Variants in SCN8A observed in about 807,000 individuals in gnomAD.
SCN8A encodes sodium channel protein type 8 subunit alpha.
A neutral mutation model predicts 184.1 loss-of-function variants in SCN8A; 30 were observed. That is an observed-to-expected ratio of 0.16 (90% confidence interval 0.12 to 0.22). The LOEUF is 0.22. Ranked by LOEUF, SCN8A falls within the 10% of genes least tolerant of loss-of-function variation. The pLI is 1.00. For synonymous variants in SCN8A, 852 were observed against 907.0 expected (o/e 0.94, Z 1.09); for missense variants, 1,057 against 2,498.9 (o/e 0.42, Z 12.30).
At position 51,729,298 on chromosome 12, in the gene SCN8A, A is replaced by G. The variant is rs149040939; in HGVS notation, c.1998+7390A>G. 3.2e-3 allele frequency among the ~76,000 whole-genome samples: 493 copies of G among 152,284 alleles called. 2 individuals are homozygous for G. Among genetic ancestry groups the G allele is most frequent in the African/African-American group, 0.011 (477 of 41,560 alleles). ...ATCATTCCCTAAACCCATCATTACC[A>G]TAAGACTCTCCTAAAAAGTACTCTC... On this transcript the variant is annotated intron_variant, in intron 12 of 26. Coordinates refer to ENST00000627620, the MANE Select transcript of SCN8A (RefSeq NM_001330260.2).
chr12:51,800,571 A>C (rs758798548), intron 26 of SCN8A, among the ~76,000 whole-genome samples: 3 of 152,230 alleles, frequency 2.0e-5, no homozygotes, highest in Non-Finnish European at 2.9e-5. Context: ...CCAGTCAGCC[A>C]ATATGGGGAT....
In SCN8A at chr12:51,806,195, A is replaced by G. The variant is rs1448365802; in HGVS notation, c.4796-87A>G. 7.9e-7 allele frequency: 1 copy of G among 1,269,154 alleles called. No individual in the cohort carries two copies. Among genetic ancestry groups the G allele is most frequent in the East Asian group, 2.4e-5 (1 of 42,078 alleles). 78.6% of individuals were successfully genotyped at this position (1,269,154 alleles called of 1,614,324 possible). A position where few individuals can be genotyped will look rare whatever the true frequency, so the allele number is the denominator to read the frequency against. ...TTATTCTGCAAAGCCCTTTGAACCT[A>G]AGGGTTCCACAATGCCAGGTAAAAA... is the stretch of plus-strand genomic sequence containing the variant. On this transcript the variant is annotated intron_variant, in intron 26 of 26. Transcript: ENST00000627620. The surrounding 1 kb of genome is among the most constrained non-coding windows in gnomAD (Gnocchi z 8.7).
At chr12:51,753,635 T>G (rs905971587) in intron 14 of SCN8A, among the ~76,000 whole-genome samples, 22 of 152,224 alleles carry the variant, frequency 1.4e-4, no homozygotes, top group African/African-American at 5.3e-4. Flanking sequence ...TGGGTTTTCA[T>G]TCCTATTAGA....
intron 1 of SCN8A, among the ~76,000 whole-genome samples, chr12:51,651,789 G>A (rs1940720291): frequency 6.6e-6 from 1 of 152,048 alleles, no homozygotes; most frequent in Non-Finnish European, 1.5e-5. Flanking sequence ...TTTTCTTTTT[G>A]TTCCACCTCC....
chr12:51,716,641 G>A (rs1941969305), intron 11 of SCN8A, among the ~76,000 whole-genome samples: 1 of 152,138 alleles, frequency 6.6e-6, no homozygotes, highest in Non-Finnish European at 1.5e-5. Flanking sequence ...ATGACGGTGT[G>A]ATAGTGTTAA....
At chr12:51,649,577 C>T (rs1187041830) in intron 1 of SCN8A, among the ~76,000 whole-genome samples, 1 of 152,216 alleles carries the variant, frequency 6.6e-6, no homozygotes, top group Non-Finnish European at 1.5e-5. Flanking sequence ...ATGGAAGCTG[C>T]CAAGTCTTGG....
intron 14 of SCN8A, among the ~76,000 whole-genome samples, chr12:51,759,878 T>C (rs1942736363): frequency 3.9e-5 from 6 of 152,152 alleles, no homozygotes. Context: ...CAGTACCTGG[T>C]GAAGACCTTT....
chr12:51,664,505 G>A (rs895114084), intron 2 of SCN8A, among the ~76,000 whole-genome samples: 1 of 150,728 alleles, frequency 6.6e-6, no homozygotes, highest in African/African-American at 2.4e-5. Context: ...ATCGCACCTG[G>A]CCTTATTATT....
At chr12:51,641,673 T>G (rs1235830783) in intron 1 of SCN8A, among the ~76,000 whole-genome samples, 1 of 152,210 alleles carries the variant, frequency 6.6e-6, no homozygotes, top group Non-Finnish European at 1.5e-5. Context: ...TTATAGATGC[T>G]TCTGAAAAGA....
intron 2 of SCN8A, among the ~76,000 whole-genome samples, chr12:51,679,093 T>TAAAAAAATAAA (rs1941278911): frequency 6.7e-6 from 1 of 149,638 alleles, no homozygotes; most frequent in African/African-American, 2.5e-5. Context: ...AATAAAAAAA[T>TAAAAAAATAAA]AAAAAAAAAT....
chr12:51,646,331 A>G (rs1261309130), intron 1 of SCN8A, among the ~76,000 whole-genome samples: 1 of 152,204 alleles, frequency 6.6e-6, no homozygotes, highest in Non-Finnish European at 1.5e-5. Context: ...GCCTTTTGCA[A>G]CTACTCAGCT....
At position 51,769,040 on chromosome 12, in the gene SCN8A, G is replaced by T. The variant is rs780010793; in HGVS notation, c.3077G>T (p.Arg1026Leu). 1.9e-6 allele frequency: 3 copies of T among 1,613,870 alleles called. No individual in the cohort carries two copies. The African/African-American group carries it at 4.0e-5, about 22-fold the overall frequency. ...TTCATGCAGGCCCACTTTAAGCAGC[G>T]TGAGGCTGATGAGGTGAAGCCTCTG... ...HAFMQAHFKQ[R>L]EADEVKPLDE... Residue 1026 changes from arginine (R) to leucine (L), a missense_variant, in exon 17 of 27, where the codon CGT (arginine) becomes CTT (leucine). Coordinates refer to ENST00000627620, the MANE Select transcript of SCN8A (RefSeq NM_001330260.2).
intron 1 of SCN8A, among the ~76,000 whole-genome samples, chr12:51,620,230 A>T (rs1380715334): frequency 2.0e-5 from 3 of 152,220 alleles, no homozygotes; most frequent in Non-Finnish European, 4.4e-5. Flanking sequence ...TTTTAATGTT[A>T]TACTAGTGAC....
chr12:51,642,185 A>G (rs1030793518), intron 1 of SCN8A, among the ~76,000 whole-genome samples: 1 of 152,094 alleles, frequency 6.6e-6, no homozygotes, highest in African/African-American at 2.4e-5. Flanking sequence ...TGTTCTTTTC[A>G]GCATGAGGAA....
chr12:51,778,823 G>C (rs2138887475), intron 20 of SCN8A, among the ~76,000 whole-genome samples: 1 of 151,928 alleles, frequency 6.6e-6, no homozygotes, highest in African/African-American at 2.4e-5. Context: ...ATCAATTTAA[G>C]TAAGCTAAGC....
intron 12 of SCN8A, among the ~76,000 whole-genome samples, chr12:51,744,534 C>T: frequency 6.6e-6 from 1 of 151,756 alleles, no homozygotes; most frequent in African/African-American, 2.4e-5. Context: ...TCTTCTGTAG[C>T]TTTGCCAAAC....
At chr12:51,699,867 C>A in intron 7 of SCN8A, 76 bp downstream of exon 7, 1 of 1,340,276 alleles carries the variant, frequency 7.5e-7, no homozygotes, top group Non-Finnish European at 1.0e-6. Context: ...TACCACAGGG[C>A]TTAAAAAAGT....
chr12:51,724,943 C>T (rs921395091), intron 12 of SCN8A, among the ~76,000 whole-genome samples: 3 of 152,116 alleles, frequency 2.0e-5, no homozygotes, highest in Non-Finnish European at 4.4e-5. Flanking sequence ...GTAAGGCTTT[C>T]TGTACTGCTT....
At chr12:51,726,199 G>C (rs1462795858) in intron 12 of SCN8A, among the ~76,000 whole-genome samples, 1 of 152,206 alleles carries the variant, frequency 6.6e-6, no homozygotes, top group Non-Finnish European at 1.5e-5. Flanking sequence ...TGAAGCAGAA[G>C]ATAAAGGGAC....
Sources: gnomAD v4.1 joint callset for allele counts (sites outside exome capture counted in the v4.1 genomes callset) on GRCh38, gnomAD v4.1.1 for gene constraint, Gnocchi (gnomAD v3.1) non-coding constraint, MANE v1.5 for transcripts, NCBI Gene and HGNC (gene_info 2026-07-23, HGNC 2026-07-21) for gene names.